PDE4A: variants seen among roughly 807,000 people sequenced by gnomAD.
The protein encoded by PDE4A is 3',5'-cyclic-AMP phosphodiesterase 4A.
In PDE4A, 21 loss-of-function variants were observed where a neutral mutation model predicts 73.9. The observed-to-expected ratio is 0.28, with a 90% CI of 0.20 to 0.41. The LOEUF (loss-of-function observed/expected upper bound fraction) is 0.41, where lower values mean the gene tolerates loss of function less well. PDE4A is among the 10% of genes least tolerant of loss of function. PDE4A has a pLI of 1.00. For missense variants in PDE4A, 958 were observed against 1,211.4 expected (o/e 0.79, Z 3.10); for synonymous variants, 463 against 505.4 (o/e 0.92, Z 1.13).
chr19:10,439,228 C>T (rs1202579426), intron 1 of PDE4A, among the ~76,000 whole-genome samples: 2 of 152,062 alleles, frequency 1.3e-5, no homozygotes, highest in African/African-American at 2.4e-5. Flanking sequence ...GTCGGCCAGG[C>T]TGGAGTACAG....
chr19:10,431,029 G>A lies in PDE4A; in HGVS notation c.320+9945G>A, dbSNP rs776715477. The A allele has an allele frequency of 7.6e-6, 12 of 1,577,470 alleles. No individual in the cohort carries two copies. In the Admixed American group the frequency reaches 2.1e-4, roughly 27 times the overall value. On this transcript the variant is annotated intron_variant, in intron 1 of 14. Transcript: ENST00000380702. ...AGCCCGTCCCCAACTTTCCGCAGAC[G>A]CCTTCGGCTTCTCCGCAGCTGCCAG...
chr19:10,452,864 T>TTCCCCC, intron 6 of PDE4A: 1 of 497,874 alleles, frequency 2.0e-6, no homozygotes, highest in Non-Finnish European at 2.6e-6. Flanking sequence ...GCCCCTTTAA[T>TTCCCCC]ACCCCCCCAC....
At chr19:10,432,456 C>G (rs1183420476) in intron 1 of PDE4A, 3 of 1,486,722 alleles carry the variant, frequency 2.0e-6, no homozygotes, top group Non-Finnish European at 2.7e-6. Context: ...TGCAGCGCCC[C>G]GGGCCCGGCC....
chr19:10,456,541 A>T (rs1477285064), intron 7 of PDE4A, among the ~76,000 whole-genome samples: 2 of 151,342 alleles, frequency 1.3e-5, no homozygotes, highest in East Asian at 1.9e-4. Flanking sequence ...AAAAATAAAT[A>T]AATAAATAAA....
intron 7 of PDE4A, among the ~76,000 whole-genome samples, chr19:10,456,667 T>C (rs563225113): frequency 6.7e-6 from 1 of 148,824 alleles, no homozygotes; most frequent in Non-Finnish European, 1.5e-5. Context: ...CAGTGAGACA[T>C]GATTGCGCCA....
intron 1 of PDE4A, among the ~76,000 whole-genome samples, chr19:10,444,691 GATGGAGT>G (rs2042981724): frequency 7.0e-6 from 1 of 143,220 alleles, no homozygotes; most frequent in Non-Finnish European, 1.5e-5. Flanking sequence ...TTTTTTTTGA[GATGGAGT>G]CTTGCTCTGT....
At chr19:10,433,209 A>T (rs891492121) in intron 1 of PDE4A, among the ~76,000 whole-genome samples, 1 of 151,862 alleles carries the variant, frequency 6.6e-6, no homozygotes, top group Non-Finnish European at 1.5e-5. Flanking sequence ...CCTGGTGTTT[A>T]CCGTACTAGG....
chr19:10,420,929 C>T lies in PDE4A; in HGVS notation c.165C>T (p.Ala55=), dbSNP rs760878279. The T allele has an allele frequency of 5.7e-6, 9 of 1,575,978 alleles. No individual in the cohort carries two copies. In the South Asian group the frequency reaches 6.8e-5, roughly 12 times the overall value. The change falls in exon 1 of 15, where the codon GCC becomes GCT. Residue 55 remains alanine, a synonymous_variant. Coordinates refer to ENST00000380702, the MANE Select transcript of PDE4A (RefSeq NM_001111307.2). The surrounding 1 kb of genome is among the most constrained non-coding windows in gnomAD (Gnocchi z 6.0). ...GCTACTCCGACAGCGCGGAGCGCGCCGAGCGGGAGCGGCAGCCGCACCGGC... is the reference window on the plus strand; with the variant it reads ...GCTACTCCGACAGCGCGGAGCGCGCTGAGCGGGAGCGGCAGCCGCACCGGC... ...QRGYSDSAER[A]ERERQPHRPI...
upstream of PDE4A, chr19:10,416,836 G>A: frequency 6.5e-7 from 1 of 1,532,182 alleles, no homozygotes; most frequent in Non-Finnish European, 8.7e-7. Context: ...GACCGGCAGG[G>A]GGAGCCCTGG....
At chr19:10,448,800 G>C (rs1206831552) in intron 2 of PDE4A, 117 bp from the exon 3 acceptor site, 24 of 1,540,068 alleles carry the variant, frequency 1.6e-5, no homozygotes, top group Non-Finnish European at 2.6e-6. Flanking sequence ...TCTTTCCCTA[G>C]GTCCCACAGA....
chr19:10,416,969 C>A, upstream of PDE4A: 1 of 1,544,348 alleles, frequency 6.5e-7, no homozygotes, highest in Admixed American at 1.9e-5. Context: ...GTGCCCTGTC[C>A]GTGGCAGGGA....
chr19:10,460,355 C>G (rs975011282), intron 10 of PDE4A, among the ~76,000 whole-genome samples: 2 of 151,728 alleles, frequency 1.3e-5, no homozygotes, highest in Admixed American at 1.3e-4. Flanking sequence ...AAAAATTAGC[C>G]GGGCGTGGTG....
intron 13 of PDE4A, 23 bp downstream of exon 13, chr19:10,462,022 A>G: frequency 6.3e-7 from 1 of 1,599,902 alleles, no homozygotes; most frequent in Non-Finnish European, 8.5e-7. Flanking sequence ...CCCATCATCT[A>G]AGGAGGGAGG....
At chr19:10,416,974 C>A, upstream of PDE4A, 1 of 1,543,476 alleles carries the variant, frequency 6.5e-7, no homozygotes, top group Non-Finnish European at 8.7e-7. Context: ...CTGTCCGTGG[C>A]AGGGACCGGG....
At chr19:10,456,238 A>T (rs1406211441) in intron 7 of PDE4A, among the ~76,000 whole-genome samples, 1 of 151,986 alleles carries the variant, frequency 6.6e-6, no homozygotes, top group Non-Finnish European at 1.5e-5. Context: ...AAAAAAAATT[A>T]AAAACTAGGC....
At chr19:10,441,684 A>ATTTTTTTTTTTTTTT (rs1308151510) in intron 1 of PDE4A, among the ~76,000 whole-genome samples, 1 of 92,730 alleles carries the variant, frequency 1.1e-5, no homozygotes, top group Non-Finnish European at 2.1e-5. Flanking sequence ...ATTTTGAGTT[A>ATTTTTTTTTTTTTTT]TTTTTTTTTT....
At chr19:10,459,915 C>G (rs990736052) in intron 10 of PDE4A, among the ~76,000 whole-genome samples, 156 bp downstream of exon 10, 1 of 151,908 alleles carries the variant, frequency 6.6e-6, no homozygotes, top group African/African-American at 2.4e-5. Flanking sequence ...GAGTCTTGCT[C>G]TGCCACCCAG....
rs141625205 is a variant in PDE4A, at chr19:10,467,402, G to A, written c.2442G>A (p.Leu814=). The change falls in exon 15 of 15, where the codon CTG becomes CTA. Residue 814 remains leucine (L), a synonymous_variant. Transcript: ENST00000380702. ...VAVSHSSPSA[L]ALQSPLLPAW... Reference sequence around the variant, plus strand: ...TAAGCCACAGCAGCCCCTCTGCCCTGGCTCTTCAAAGCCCCCTTCTCCCTG... The same window carrying A: ...TAAGCCACAGCAGCCCCTCTGCCCTAGCTCTTCAAAGCCCCCTTCTCCCTG... 6.0e-5 allele frequency: 97 copies of A among 1,614,104 alleles called. No individual in the cohort carries two copies. The African/African-American group carries it at 1.2e-3, about 20-fold the overall frequency.
At chr19:10,434,021 A>T (rs1267845541) in intron 1 of PDE4A, among the ~76,000 whole-genome samples, 2 of 152,174 alleles carry the variant, frequency 1.3e-5, no homozygotes, top group Non-Finnish European at 2.9e-5. Flanking sequence ...GCTTGAGCCC[A>T]GGAGTTTGAG....
Sources: allele counts gnomAD v4.1 joint callset (sites outside exome capture counted in the v4.1 genomes callset), GRCh38; gene constraint gnomAD v4.1.1; non-coding constraint Gnocchi (gnomAD v3.1); transcripts MANE v1.5; gene names NCBI Gene and HGNC (gene_info 2026-07-23, HGNC 2026-07-21).